The following UBAP2 variants were observed in gnomAD, a reference collection of about 807,000 sequenced individuals.
UBAP2 encodes ubiquitin associated protein 2, also known as ubiquitin-associated protein 2.
Under a neutral mutation model 139.6 loss-of-function variants are expected in UBAP2, and 75 were observed. The ratio of observed to expected loss-of-function variants is 0.54; its 90% CI spans 0.45 to 0.65. UBAP2 has a LOEUF of 0.65. Ranked by LOEUF, UBAP2 falls within the 30% of genes least tolerant of loss-of-function variation. UBAP2 has a pLI of 0.00. For missense variants in UBAP2, 1,368 were observed against 1,369.6 expected (o/e 1.00, Z 0.02); for synonymous variants, 526 against 526.2 (o/e 1.00, Z 0.01).
chr9:33,968,832 TCAC>T (rs1239401298), intron 8 of UBAP2, among the ~76,000 whole-genome samples: 1 of 152,178 alleles, frequency 6.6e-6, no homozygotes, highest in Non-Finnish European at 1.5e-5. Flanking sequence ...TTGTAGTCAC[TCAC>T]CACTTTTCCC....
chr9:33,965,703 T>G (rs1047089490), intron 8 of UBAP2, among the ~76,000 whole-genome samples: 1 of 152,236 alleles, frequency 6.6e-6, no homozygotes, highest in Non-Finnish European at 1.5e-5. Context: ...TAAACTACTA[T>G]GCTATTGATT....
intron 2 of UBAP2, among the ~76,000 whole-genome samples, chr9:33,999,163 C>G (rs1190023020): frequency 6.6e-6 from 1 of 152,040 alleles, no homozygotes; most frequent in African/African-American, 2.4e-5. Context: ...GGGAAATCAG[C>G]TCAAGAGAAA....
chr9:34,037,112 C>T (rs1005445413), intron 1 of UBAP2, among the ~76,000 whole-genome samples: 4 of 151,502 alleles, frequency 2.6e-5, no homozygotes, highest in African/African-American at 4.9e-5. Context: ...CCTCGGCCTC[C>T]GGATTAGCTG....
rs926535725 is a variant in UBAP2, at chr9:33,943,320, A to G, written c.1715+100T>C. The G allele has an allele frequency of 2.4e-6, 3 of 1,239,538 alleles. No homozygotes were observed. The Admixed American group carries it at 7.1e-5, about 29-fold the overall frequency. 76.8% of individuals were successfully genotyped at this position (1,239,538 alleles called of 1,614,324 possible). On this transcript the variant is annotated intron_variant, in intron 15 of 28. Transcript: ENST00000379238. ...TATGGAGATGATGGAAGGTCTGGATAAACACTGAGGATAGCTATTACCACA... is the reference window on the plus strand; with the variant it reads ...TATGGAGATGATGGAAGGTCTGGATGAACACTGAGGATAGCTATTACCACA...
chr9:34,039,108 GA>G, intron 1 of UBAP2, among the ~76,000 whole-genome samples: 1 of 151,954 alleles, frequency 6.6e-6, no homozygotes, highest in African/African-American at 2.4e-5. Flanking sequence ...GGGAAGTGAG[GA>G]GCGTCTCCGC....
intron 8 of UBAP2, chr9:33,968,573 ACT>A (rs1827654612): frequency 2.9e-6 from 1 of 350,024 alleles, no homozygotes; most frequent in South Asian, 2.8e-5. Flanking sequence ...ACTCAGAAAC[ACT>A]GTTTGTTTTA....
chr9:34,037,997 C>T (rs1352315535), intron 1 of UBAP2, among the ~76,000 whole-genome samples: 1 of 87,364 alleles, frequency 1.1e-5, no homozygotes, highest in East Asian at 3.2e-4. Flanking sequence ...CCTGTCTCTA[C>T]AAAAAAAAAA....
At chr9:34,033,739 CTT>C (rs761219914) in intron 1 of UBAP2, among the ~76,000 whole-genome samples, 7 of 139,956 alleles carry the variant, frequency 5.0e-5, no homozygotes, top group African/African-American at 7.8e-5. Context: ...CAAATCAATT[CTT>C]TTTTTTTTTT....
In UBAP2 at chr9:33,991,022, C is replaced by T. The variant is rs897516188; in HGVS notation, c.289-1896G>A. On this transcript the variant is annotated intron_variant, in intron 4 of 28. Transcript: ENST00000379238. ...CAACGTGGCCGAGCACACTGGCTCACGCCTGTAATCCCAGCACATTGGGAG... is the reference window on the plus strand; with the variant it reads ...CAACGTGGCCGAGCACACTGGCTCATGCCTGTAATCCCAGCACATTGGGAG... Among the ~76,000 whole-genome samples the T allele has an allele frequency of 1.5e-4, 23 of 152,116 alleles. No individual in the cohort carries two copies. The East Asian group carries it at 3.3e-3, about 22-fold the overall frequency.
At position 33,922,491 on chromosome 9, in the gene UBAP2, C is replaced by T. The variant is rs754023879; in HGVS notation, c.*13G>A. Reference sequence around the variant, plus strand: ...GGATAAGCCTTGCCCCAGCCCACCCCTCTCTTCTGGGTTTAGTTTGTCCAG... The same window carrying T: ...GGATAAGCCTTGCCCCAGCCCACCCTTCTCTTCTGGGTTTAGTTTGTCCAG... On this transcript the variant is annotated 3_prime_UTR_variant, in exon 29 of 29. Transcript: ENST00000379238. 9 of 1,609,696 alleles carry T rather than the reference C, an allele frequency of 5.6e-6. No homozygotes were observed. Among genetic ancestry groups the T allele is most frequent in the Non-Finnish European group, 7.6e-6 (9 of 1,176,760 alleles).
intron 17 of UBAP2, chr9:33,934,248 T>A (rs1337083532): frequency 6.4e-6 from 1 of 156,642 alleles, no homozygotes; most frequent in Non-Finnish European, 1.5e-5. Flanking sequence ...AGCACATAAA[T>A]GAGCTTCGTA....
intron 4 of UBAP2, chr9:33,995,535 A>G (rs1822114900): frequency 1.6e-5 from 1 of 64,220 alleles, no homozygotes; most frequent in Non-Finnish European, 3.5e-5. Flanking sequence ...ATATATTTAT[A>G]TTATTAAATA....
Position 33,928,011 on chromosome 9 carries a change from G to A in UBAP2, c.2176-19C>T, listed in dbSNP as rs749297019. On this transcript the variant is annotated intron_variant, in intron 19 of 28. Transcript: ENST00000379238. ...TGGCATGCTGGCAAAAGAAAAGCCA[G>A]GACACATGGATCTGGAGGCAGAGGA... 3.1e-6 allele frequency: 5 copies of A among 1,599,884 alleles called. No individual in the cohort carries two copies. Among genetic ancestry groups the A allele is most frequent in the Non-Finnish European group, 4.3e-6 (5 of 1,172,886 alleles).
At position 34,017,621 on chromosome 9, in the gene UBAP2, T is replaced by C. The variant is rs543104188; in HGVS notation, c.-41-432A>G. 2.0e-5 allele frequency among the ~76,000 whole-genome samples: 3 copies of C among 152,174 alleles called. No homozygotes were observed. In the South Asian group the frequency reaches 6.2e-4, roughly 32 times the overall value. ...AAAAGCAAAAGTCAGCTGTAAATAATAAATCTTAAAGAAACAATTGTGTGG... is the reference window on the plus strand; with the variant it reads ...AAAAGCAAAAGTCAGCTGTAAATAACAAATCTTAAAGAAACAATTGTGTGG... On this transcript the variant is annotated intron_variant, in intron 1 of 28. Coordinates refer to ENST00000379238, the MANE Select transcript of UBAP2 (RefSeq NM_001370062.2).
intron 13 of UBAP2, among the ~76,000 whole-genome samples, chr9:33,946,919 G>C (rs918365377): frequency 2.0e-5 from 3 of 152,130 alleles, no homozygotes; most frequent in Admixed American, 1.3e-4. Context: ...CTTGATGACT[G>C]GACCTTGGCT....
At chr9:33,964,846 T>C (rs1827327715) in intron 8 of UBAP2, among the ~76,000 whole-genome samples, 1 of 152,184 alleles carries the variant, frequency 6.6e-6, no homozygotes, top group African/African-American at 2.4e-5. Context: ...GATTGTCAGA[T>C]TGTATGATAG....
At chr9:33,972,743 C>T (rs1023774865) in intron 7 of UBAP2, among the ~76,000 whole-genome samples, 1 of 152,196 alleles carries the variant, frequency 6.6e-6, no homozygotes, top group African/African-American at 2.4e-5. Context: ...AAAGGTATCA[C>T]TCATACATAA....
chr9:33,933,346 A>C (rs1824168607), intron 18 of UBAP2, 144 bp downstream of exon 18: 1 of 993,912 alleles, frequency 1.0e-6, no homozygotes, highest in Non-Finnish European at 1.4e-6. Context: ...CCTGGCCAAA[A>C]CCTAAGCTAC....
chr9:33,953,475 C>A lies in UBAP2; in HGVS notation c.867-1G>T. 1 of 1,609,502 alleles carries A rather than the reference C, an allele frequency of 6.2e-7. No homozygotes were observed. The highest frequency in any genetic ancestry group is 8.5e-7 in the Non-Finnish European group (1 of 1,178,022). On this transcript the variant is annotated splice_acceptor_variant, in intron 11 of 28. Transcript: ENST00000379238. LOFTEE classifies it high-confidence loss of function. ...CTGGAGCAAGGCTACCAGATCAATG[C>A]TAAGCAGACAAAAAGCAATGAGGAA... is the stretch of plus-strand genomic sequence containing the variant.
Sources: allele counts gnomAD v4.1 joint callset (sites outside exome capture counted in the v4.1 genomes callset), GRCh38; gene constraint gnomAD v4.1.1; transcripts MANE v1.5; gene names NCBI Gene and HGNC (gene_info 2026-07-23, HGNC 2026-07-21).